The following FRMPD2 variants were observed in gnomAD, a reference collection of about 807,000 sequenced individuals.
FRMPD2 encodes the protein FERM and PDZ domain-containing protein 2.
FRMPD2 carries 96 observed loss-of-function variants against 140.1 expected under a neutral mutation model. That is an observed-to-expected ratio of 0.69 (90% CI 0.58 to 0.81). FRMPD2 has a LOEUF of 0.81. Ranked by LOEUF, FRMPD2 falls within the 40% of genes least tolerant of loss-of-function variation. The pLI, the probability that FRMPD2 is intolerant of heterozygous loss-of-function variation, is 0.00. For missense variants in FRMPD2, 1,240 were observed against 1,447.4 expected, an observed-to-expected ratio of 0.86 and a Z score of 2.32; for synonymous variants, 449 against 547.6, an observed-to-expected ratio of 0.82 and a Z score of 2.52.
chr10:48,236,044 G>A (rs1281941165), intron 9 of FRMPD2, among the ~76,000 whole-genome samples: 2 of 148,700 alleles, frequency 1.3e-5, no homozygotes, highest in Admixed American at 6.6e-5. Context: ...TCCCTTCTTC[G>A]TTGTTTTTTT....
intron 16 of FRMPD2, 81 bp from the exon 17 acceptor site, chr10:48,187,373 C>A: frequency 8.3e-7 from 1 of 1,207,140 alleles, no homozygotes; most frequent in Non-Finnish European, 1.2e-6. Flanking sequence ...CTCAGGGAGG[C>A]AACTTCTTGG....
intron 5 of FRMPD2, among the ~76,000 whole-genome samples, chr10:48,241,391 G>A (rs1003733497): frequency 6.6e-6 from 1 of 152,112 alleles, no homozygotes; most frequent in Non-Finnish European, 1.5e-5. Flanking sequence ...TGTGCCATAG[G>A]CACCTCACTT....
rs554310538 is a variant in FRMPD2, at chr10:48,262,956, C to G, written c.26-11265G>C. ...AGAAATCATACAAAGTATGATTTCT[C>G]TCATGGAGATTTGGTTCTGTCAGTA... On this transcript the variant is annotated intron_variant, in intron 1 of 28. Coordinates refer to ENST00000374201, the MANE Select transcript of FRMPD2 (RefSeq NM_001018071.4). Among the ~76,000 whole-genome samples the G allele has an allele frequency of 3.0e-4, 46 of 151,800 alleles. No individual in the cohort carries two copies. The South Asian group carries it at 6.2e-3, about 21-fold the overall frequency.
At chr10:48,184,517 C>CTCACAGTAATCA in intron 20 of FRMPD2, 49 bp downstream of exon 20, 1 of 1,164,928 alleles carries the variant, frequency 8.6e-7, no homozygotes, top group Admixed American at 1.7e-5. Flanking sequence ...TCATGTACTC[C>CTCACAGTAATCA]TGAAAACAGG....
chr10:48,274,243 C>T (rs1156988703), intron 1 of FRMPD2, among the ~76,000 whole-genome samples: 1 of 152,170 alleles, frequency 6.6e-6, no homozygotes. Context: ...TTAAAAGAGT[C>T]ATTTGAATTT....
intron 14 of FRMPD2, among the ~76,000 whole-genome samples, chr10:48,202,029 A>G (rs1839097655): frequency 6.6e-6 from 1 of 152,130 alleles, no homozygotes; most frequent in Admixed American, 6.6e-5. Context: ...AGGCCCACAT[A>G]CAAAGTGATA....
At chr10:48,206,974 G>T in intron 13 of FRMPD2, 41 bp from the exon 14 acceptor site, 1 of 1,583,224 alleles carries the variant, frequency 6.3e-7, no homozygotes. Context: ...ACAGGCACAT[G>T]GTTTAAAATA....
intron 22 of FRMPD2, among the ~76,000 whole-genome samples, chr10:48,176,922 T>C (rs1477708450): frequency 6.6e-6 from 1 of 152,126 alleles, no homozygotes; most frequent in African/African-American, 2.4e-5. Flanking sequence ...CATAGCATTA[T>C]CACAGGGGAA....
At chr10:48,244,395 A>G (rs77528371) in intron 4 of FRMPD2, among the ~76,000 whole-genome samples, 3,477 of 152,326 alleles carry the variant, frequency 0.023, 125 homozygotes, top group African/African-American at 0.076. Context: ...AAATCTATTG[A>G]GCCCAGAAGC....
At chr10:48,226,151 T>C (rs1309309504) in intron 10 of FRMPD2, among the ~76,000 whole-genome samples, 1 of 152,224 alleles carries the variant, frequency 6.6e-6, no homozygotes, top group Non-Finnish European at 1.5e-5. Flanking sequence ...AGCTTGTTTT[T>C]TCCTTAGAAT....
At chr10:48,212,231 G>A (rs976257317) in intron 12 of FRMPD2, 122 bp from the exon 13 acceptor site, 52 of 914,934 alleles carry the variant, frequency 5.7e-5, no homozygotes, top group Non-Finnish European at 7.9e-5. Context: ...ACACTTCCTC[G>A]AGGTGCCCAC....
chr10:48,273,579 A>G (rs1840803839), intron 1 of FRMPD2, among the ~76,000 whole-genome samples: 1 of 152,158 alleles, frequency 6.6e-6, no homozygotes, highest in Non-Finnish European at 1.5e-5. Flanking sequence ...GCTTAGCATT[A>G]AAGCCATGCT....
intron 13 of FRMPD2, among the ~76,000 whole-genome samples, chr10:48,209,455 G>A (rs551882867): frequency 6.6e-6 from 1 of 152,328 alleles, no homozygotes; most frequent in South Asian, 2.1e-4. Flanking sequence ...ACAAGGTGCT[G>A]AACTTTCAGA....
Position 48,236,573 on chromosome 10 carries a change from T to A in FRMPD2, c.922-20A>T. ...GGAAAACTGGAGGAAAACAGTCACATATGGTAGAGAAGACAACAGATTCCA... is the reference window on the plus strand; with the variant it reads ...GGAAAACTGGAGGAAAACAGTCACAAATGGTAGAGAAGACAACAGATTCCA... On this transcript the variant is annotated intron_variant, in intron 8 of 28. Transcript: ENST00000374201. The A allele has an allele frequency of 6.2e-7, 1 of 1,611,920 alleles. No homozygotes were observed. Among genetic ancestry groups the A allele is most frequent in the South Asian group, 1.1e-5 (1 of 91,036 alleles).
chr10:48,231,687 A>G (rs1418148489), intron 10 of FRMPD2, among the ~76,000 whole-genome samples: 1 of 152,208 alleles, frequency 6.6e-6, no homozygotes, highest in East Asian at 1.9e-4. Flanking sequence ...AGAAATAAAG[A>G]GTCTCTAATA....
chr10:48,225,887 G>T (rs1434962595), intron 10 of FRMPD2, among the ~76,000 whole-genome samples: 2 of 152,206 alleles, frequency 1.3e-5, no homozygotes, highest in East Asian at 3.9e-4. Context: ...GACTTGATTC[G>T]AGATCTGGTT....
chr10:48,179,995 G>A (rs1262994840), intron 21 of FRMPD2, among the ~76,000 whole-genome samples: 3 of 152,236 alleles, frequency 2.0e-5, no homozygotes, highest in Non-Finnish European at 2.9e-5. Flanking sequence ...CCTGAAGGGC[G>A]AGAGAAGGGA....
chr10:48,190,089 G>A lies in FRMPD2; in HGVS notation c.2165+2595C>T, dbSNP rs184008294. ...CTTGATCCAGAACCCTGTCAGAAGG[G>A]GCCCCCGGCAGAATGGCCTCTGTAC... On this transcript the variant is annotated intron_variant, in intron 16 of 28. Transcript: ENST00000374201. 5.6e-4 allele frequency among the ~76,000 whole-genome samples: 86 copies of A among 152,272 alleles called. No individual in the cohort carries two copies. The East Asian group carries it at 0.012, about 21-fold the overall frequency.
chr10:48,191,706 T>C (rs1838834014), intron 16 of FRMPD2, among the ~76,000 whole-genome samples: 1 of 152,194 alleles, frequency 6.6e-6, no homozygotes, highest in Non-Finnish European at 1.5e-5. Context: ...GCAGCAACCT[T>C]CATTGGTCAT....
Sources: allele counts gnomAD v4.1 joint callset (sites outside exome capture counted in the v4.1 genomes callset), GRCh38; gene constraint gnomAD v4.1.1; transcripts MANE v1.5; gene names NCBI Gene and HGNC (gene_info 2026-07-23, HGNC 2026-07-21).